Variants in BEGAIN observed in about 807,000 individuals in gnomAD.
The protein encoded by BEGAIN is brain enriched guanylate kinase associated.
In BEGAIN, 19 loss-of-function variants were observed where a neutral mutation model predicts 35.8. That is an observed-to-expected ratio of 0.53 (90% confidence interval 0.37 to 0.78). The LOEUF (loss-of-function observed/expected upper bound fraction) is 0.78, where lower values mean the gene tolerates loss of function less well. BEGAIN is among the 30% of genes least tolerant of loss of function. The pLI, the probability that BEGAIN is intolerant of heterozygous loss-of-function variation, is 0.00. For missense variants in BEGAIN, 795 were observed against 853.6 expected (o/e 0.93, Z 0.85); for synonymous variants, 462 against 388.6 (o/e 1.19, Z -2.22).
chr14:100,546,914 CCA>C lies in BEGAIN; in HGVS notation c.72-254_72-253del, dbSNP rs373659227. On this transcript the variant is annotated intron_variant, in intron 2 of 6. Transcript: ENST00000554140. Reference sequence around the variant, plus strand: ...TCTGGCCTGGGCGGTTCCTCAGACTCCACCAGTGTCCCTCACACAGGTAAATC... The same window carrying C: ...TCTGGCCTGGGCGGTTCCTCAGACTCCCAGTGTCCCTCACACAGGTAAATC... 666 of 375,578 alleles carry C rather than the reference CCA, an allele frequency of 1.8e-3. 28 individuals carry two copies. The South Asian group carries it at 0.038, about 21-fold the overall frequency. 23.3% of individuals were successfully genotyped at this position (375,578 alleles called of 1,614,324 possible).
chr14:100,547,177 G>A (rs1156621068), intron 2 of BEGAIN: 1 of 152,432 alleles, frequency 6.6e-6, no homozygotes, highest in East Asian at 1.9e-4. Flanking sequence ...TCCCCAAAAT[G>A]GCTGTGTGGC....
At position 100,539,329 on chromosome 14, in the gene BEGAIN, G is replaced by A. The variant is rs78679213; in HGVS notation, c.493-14C>T. 1.3e-4 allele frequency: 207 copies of A among 1,536,914 alleles called. No individual in the cohort carries two copies. In the East Asian group the frequency reaches 4.2e-3, roughly 31 times the overall value. On this transcript the variant is annotated splice_polypyrimidine_tract_variant and intron_variant, in intron 6 of 6. Coordinates refer to ENST00000554140, the MANE Select transcript of BEGAIN (RefSeq NM_001385089.1). ...ATCCGAGGGCAGCTGGAACGGGTGC[G>A]AGGAGGGGGACGGCGGGTACAGGGT...
At chr14:100,549,064 C>G (rs1014176519) in intron 2 of BEGAIN, 1 of 152,388 alleles carries the variant, frequency 6.6e-6, no homozygotes, top group Non-Finnish European at 1.5e-5. Context: ...ACACGCACCC[C>G]GTCCCCAGGC....
rs994262328 is a variant in BEGAIN, at chr14:100,567,760, C to T, written c.71+151G>A. 1,584 of 656,072 alleles carry T rather than the reference C, an allele frequency of 2.4e-3. 5 individuals carry two copies. Among genetic ancestry groups the T allele is most frequent in the Middle Eastern group, 4.6e-3 (8 of 1,758 alleles). The allele number at this position is 656,072 out of a possible 1,614,324, so 40.6% of individuals were successfully genotyped here. The stretch of plus-strand genomic sequence containing the variant: ...CGCCTCGCGGCGCGCACACACGCAC[C>T]ACACACACGCACCTGGCCCGCAGCC... On this transcript the variant is annotated intron_variant, in intron 2 of 6. Transcript: ENST00000554140. The surrounding 1 kb of genome is among the most constrained non-coding windows in gnomAD (Gnocchi z 5.1).
intron 2 of BEGAIN, among the ~76,000 whole-genome samples, chr14:100,555,738 GC>G (rs772779977): frequency 1.3e-5 from 2 of 152,188 alleles, no homozygotes; most frequent in Non-Finnish European, 2.9e-5. Context: ...ATGACGAGCT[GC>G]CCTCTGCCTC....
rs1213127443 is a variant in BEGAIN at position 100,568,411 on chromosome 14, G to C, written c.43-472C>G. ...CGAGTCGGAGAATGTTGGGGAATTC[G>C]GGGCCGTGCAGGATTGCAGAACCTG... On this transcript the variant is annotated intron_variant, in intron 1 of 6. Coordinates refer to ENST00000554140, the MANE Select transcript of BEGAIN (RefSeq NM_001385089.1). The surrounding 1 kb of genome is among the most constrained non-coding windows in gnomAD (Gnocchi z 7.5). 3.9e-6 allele frequency: 5 copies of C among 1,270,384 alleles called. No individual in the cohort carries two copies. Among genetic ancestry groups the C allele is most frequent in the Non-Finnish European group, 4.1e-6 (4 of 976,618 alleles). 78.7% of individuals were successfully genotyped at this position (1,270,384 alleles called of 1,614,324 possible).
Position 100,538,641 on chromosome 14 carries a change from C to T in BEGAIN, c.1167G>A (p.Arg389=), listed in dbSNP as rs1261072365. 2 of 1,549,296 alleles carry T rather than the reference C, an allele frequency of 1.3e-6. No homozygotes were observed. Among genetic ancestry groups the T allele is most frequent in the East Asian group, 2.4e-5 (1 of 41,082 alleles). Reference sequence around the variant, plus strand: ...TCTCGGCCGGGTACGGTGACATGGTCCGCCCGAAGCCTGGGGCCACTTCGG... The same window carrying T: ...TCTCGGCCGGGTACGGTGACATGGTTCGCCCGAAGCCTGGGGCCACTTCGG... The part of the protein sequence containing the change: ...LEAEVAPGFG[R]TMSPYPAETF... Residue 389 remains arginine, a synonymous_variant, in exon 7 of 7, where the codon CGG becomes CGA. Coordinates refer to ENST00000554140, the MANE Select transcript of BEGAIN (RefSeq NM_001385089.1).
At chr14:100,574,095 T>A (rs962641728) in intron 1 of BEGAIN, among the ~76,000 whole-genome samples, 1 of 152,132 alleles carries the variant, frequency 6.6e-6, no homozygotes, top group African/African-American at 2.4e-5. Context: ...ACCCCAGGCA[T>A]CCCCAAGGGC....
rs745704522 is a variant in BEGAIN at position 100,538,381 on chromosome 14, C to T, written c.1427G>A (p.Gly476Asp). ...RYYGGAGGSP[G>D]KKADGRASPL... ...GCTGGCGCGGCCGTCGGCCTTCTTG[C>T]CCGGGCTGCCCCCGGCCCCGCCGTA... The change falls in exon 7 of 7, where the codon GGC becomes GAC. Residue 476 changes from glycine to aspartate, a missense_variant. This residue lies in a region of BEGAIN where 664 missense variants were observed against 647.7 expected (regional missense o/e 1.03). Coordinates refer to ENST00000554140, the MANE Select transcript of BEGAIN (RefSeq NM_001385089.1). 6.6e-7 allele frequency: 1 copy of T among 1,515,660 alleles called. No homozygotes were observed. Among genetic ancestry groups the T allele is most frequent in the Non-Finnish European group, 8.8e-7 (1 of 1,139,350 alleles). 93.9% of individuals were successfully genotyped at this position (1,515,660 alleles called of 1,614,324 possible).
At position 100,586,895 on chromosome 14, in the gene BEGAIN, C is replaced by A. The variant is rs1049988807; in HGVS notation, c.42+354G>T. On this transcript the variant is annotated intron_variant, in intron 1 of 6. Coordinates refer to ENST00000554140, the MANE Select transcript of BEGAIN (RefSeq NM_001385089.1). The surrounding 1 kb of genome is among the most constrained non-coding windows in gnomAD (Gnocchi z 4.9). ...CACCCTCGCCACCCGCCCGGGACAG[C>A]GGCGGGTCCCCAGTCCTCCGGCCGC... is the stretch of plus-strand genomic sequence containing the variant. Among the ~76,000 whole-genome samples, 3 of 152,054 alleles carry A rather than the reference C, an allele frequency of 2.0e-5. No individual in the cohort carries two copies. The highest frequency in any genetic ancestry group is 2.0e-4 in the Admixed American group (3 of 15,280).
rs777403602 is a variant in BEGAIN at position 100,539,242 on chromosome 14, C to T, written c.566G>A (p.Cys189Tyr). The T allele has an allele frequency of 1.0e-5, 16 of 1,588,542 alleles. 1 individual carries two copies. The South Asian group carries it at 1.7e-4, about 17-fold the overall frequency. ...GACGCTGTCGGCGTAGGCCGGGTGGCAGAGCGGGGATGGCAGGCTGCAGCC... is the reference window on the plus strand; with the variant it reads ...GACGCTGTCGGCGTAGGCCGGGTGGTAGAGCGGGGATGGCAGGCTGCAGCC... ...KHGCSLPSPL[C>Y]HPAYADSVPT... Residue 189 changes from cysteine (C) to tyrosine (Y), a missense_variant, in exon 7 of 7, where the codon TGC becomes TAC. Around this residue, in one of 3 missense-constraint regions of BEGAIN, gnomAD observed 664 missense variants for 647.7 expected, o/e 1.03. Transcript: ENST00000554140.
chr14:100,559,163 C>G (rs1470643653), intron 2 of BEGAIN, among the ~76,000 whole-genome samples: 1 of 152,108 alleles, frequency 6.6e-6, no homozygotes, highest in Non-Finnish European at 1.5e-5. Context: ...AGCAGGGAGC[C>G]TCAGTGGGGC....
At chr14:100,543,070 G>A (rs2031868441) in intron 5 of BEGAIN, among the ~76,000 whole-genome samples, 1 of 152,200 alleles carries the variant, frequency 6.6e-6, no homozygotes, top group South Asian at 2.1e-4. Context: ...GCTTCTGCCT[G>A]GAAGCAATGC....
chr14:100,583,993 C>T (rs1378889112), intron 1 of BEGAIN, among the ~76,000 whole-genome samples: 1 of 152,236 alleles, frequency 6.6e-6, no homozygotes, highest in African/African-American at 2.4e-5. Context: ...GCCGCTGCGC[C>T]CAGCCTATCC....
intron 1 of BEGAIN, among the ~76,000 whole-genome samples, chr14:100,583,761 G>A (rs755632807): frequency 1.0e-4 from 14 of 133,776 alleles, no homozygotes; most frequent in South Asian, 5.1e-4. Flanking sequence ...GCACGATCTC[G>A]GCTCACTGCA....
rs148950440 is a variant in BEGAIN, at chr14:100,581,558, C to T, written c.42+5691G>A. 3.4e-3 allele frequency among the ~76,000 whole-genome samples: 514 copies of T among 152,280 alleles called. 5 individuals are homozygous for T. The highest frequency in any genetic ancestry group is 0.012 in the African/African-American group (480 of 41,568). On this transcript the variant is annotated intron_variant, in intron 1 of 6. Transcript: ENST00000554140. ...CGTGCCAAGCTCCGTGCTGTGCATG[C>T]GTCATCACCCCAAATCCCCACCCGC... is the stretch of plus-strand genomic sequence containing the variant.
chr14:100,581,986 C>T (rs1373523432), intron 1 of BEGAIN, among the ~76,000 whole-genome samples: 3 of 152,232 alleles, frequency 2.0e-5, no homozygotes, highest in South Asian at 4.1e-4. Context: ...GCAGCTACCC[C>T]GCTTCACGGA....
intron 2 of BEGAIN, among the ~76,000 whole-genome samples, chr14:100,554,844 A>G (rs2139582039): frequency 6.6e-6 from 1 of 152,206 alleles, no homozygotes; most frequent in Admixed American, 6.5e-5. Flanking sequence ...TCCTGTCCCC[A>G]GGGACCCGCC....
chr14:100,575,127 G>A (rs1458114678), intron 1 of BEGAIN, among the ~76,000 whole-genome samples: 4 of 152,190 alleles, frequency 2.6e-5, no homozygotes, highest in African/African-American at 9.6e-5. Flanking sequence ...GTCCTCCTGG[G>A]GCAGCAGCTT....
Sources: gnomAD v4.1 joint callset for allele counts (sites outside exome capture counted in the v4.1 genomes callset) on GRCh38, gnomAD v4.1.1 for gene constraint, gnomAD v4.1.1 regional missense constraint, Gnocchi (gnomAD v3.1) non-coding constraint, MANE v1.5 for transcripts, NCBI Gene and HGNC (gene_info 2026-07-23, HGNC 2026-07-21) for gene names.